GRID1: variants seen among roughly 807,000 people sequenced by gnomAD.
The protein encoded by GRID1 is glutamate ionotropic receptor delta type subunit 1, also known as glutamate receptor ionotropic, delta-1.
A neutral mutation model predicts 98.0 loss-of-function variants in GRID1; 28 were observed. The observed-to-expected ratio is 0.29, with a 90% confidence interval of 0.21 to 0.39. The LOEUF is 0.39. Ranked by LOEUF, GRID1 falls within the 10% of genes least tolerant of loss-of-function variation. The probability of loss-of-function intolerance (pLI) is 1.00; values close to 1 mark genes in which losing one functional copy is unlikely to be tolerated. For synonymous variants in GRID1, 553 were observed against 538.5 expected (o/e 1.03, Z -0.37); for missense variants, 1,111 against 1,340.5 (o/e 0.83, Z 2.67).
At chr10:85,694,545 GGT>G (rs545762406) in intron 12 of GRID1, among the ~76,000 whole-genome samples, 2 of 88,868 alleles carry the variant, frequency 2.3e-5, no homozygotes, top group Admixed American at 1.4e-4. Flanking sequence ...AAGAAAATGT[GGT>G]GTGTATATAT....
intron 6 of GRID1, among the ~76,000 whole-genome samples, chr10:85,862,451 T>C (rs1039614768): frequency 4.6e-5 from 7 of 152,102 alleles, no homozygotes; most frequent in Non-Finnish European, 8.8e-5. Context: ...AAATGTAGAA[T>C]TGGCCATCTC....
At position 86,208,596 on chromosome 10, in the gene GRID1, A is replaced by G. The variant is rs371254185; in HGVS notation, c.236-1948T>C. Reference sequence around the variant, plus strand: ...CACTCTTGCTTCAAAACTCAGACTCAGCATCCCCAGACTGGCTCATAACCC... The same window carrying G: ...CACTCTTGCTTCAAAACTCAGACTCGGCATCCCCAGACTGGCTCATAACCC... On this transcript the variant is annotated intron_variant, in intron 2 of 15. Transcript: ENST00000327946. Among the ~76,000 whole-genome samples the G allele has an allele frequency of 2.0e-4, 30 of 152,240 alleles. No homozygotes were observed. In the East Asian group the frequency reaches 5.6e-3, roughly 28 times the overall value.
intron 4 of GRID1, among the ~76,000 whole-genome samples, chr10:85,960,990 C>G (rs979778032): frequency 6.6e-6 from 1 of 151,704 alleles, no homozygotes; most frequent in African/African-American, 2.4e-5. Context: ...TAGAGTCGCA[C>G]GGAGGCTGGC....
At chr10:85,911,248 G>A (rs901211620) in intron 5 of GRID1, among the ~76,000 whole-genome samples, 1 of 152,162 alleles carries the variant, frequency 6.6e-6, no homozygotes, top group Non-Finnish European at 1.5e-5. Context: ...TGGTCTCTGA[G>A]ATCAGGAGCA....
chr10:85,804,376 T>C (rs529409637), intron 8 of GRID1, among the ~76,000 whole-genome samples: 1 of 151,972 alleles, frequency 6.6e-6, no homozygotes, highest in East Asian at 1.9e-4. Flanking sequence ...AGATATTGAA[T>C]TCATAATTCA....
chr10:85,858,008 G>C (rs1843129661), intron 6 of GRID1, among the ~76,000 whole-genome samples: 2 of 152,202 alleles, frequency 1.3e-5, no homozygotes, highest in African/African-American at 4.8e-5. Context: ...GAGGTGCAAG[G>C]CATCACAAAC....
intron 8 of GRID1, among the ~76,000 whole-genome samples, chr10:85,798,444 C>T (rs1373080249): frequency 6.6e-6 from 1 of 152,120 alleles, no homozygotes; most frequent in East Asian, 1.9e-4. Flanking sequence ...GAGGAAACAC[C>T]AAACTGTTTT....
intron 2 of GRID1, among the ~76,000 whole-genome samples, chr10:86,227,455 G>A (rs1382987649): frequency 6.6e-6 from 1 of 152,104 alleles, no homozygotes; most frequent in Non-Finnish European, 1.5e-5. Context: ...TGCCTCTTGG[G>A]CTAACTGCTC....
intron 12 of GRID1, among the ~76,000 whole-genome samples, chr10:85,692,013 C>A (rs370636621): frequency 6.6e-6 from 1 of 152,096 alleles, no homozygotes; most frequent in Admixed American, 6.5e-5. Flanking sequence ...GCCAATGGGG[C>A]AGCTTGTTCT....
chr10:85,931,810 C>T (rs1350195844), intron 4 of GRID1, among the ~76,000 whole-genome samples: 1 of 152,146 alleles, frequency 6.6e-6, no homozygotes, highest in African/African-American at 2.4e-5. Flanking sequence ...CATTAAGAAG[C>T]TCATTGAAGG....
intron 15 of GRID1, among the ~76,000 whole-genome samples, chr10:85,604,109 G>A (rs539667597): frequency 1.3e-5 from 2 of 152,174 alleles, no homozygotes; most frequent in South Asian, 4.2e-4. Flanking sequence ...CCCCACAAAG[G>A]GTCAACTCAG....
chr10:85,705,212 T>C (rs1841501628), intron 12 of GRID1, among the ~76,000 whole-genome samples: 3 of 152,098 alleles, frequency 2.0e-5, no homozygotes. Context: ...ACAAAATTGA[T>C]AGACTCCTAG....
rs150403696 is a variant in GRID1, at chr10:86,259,658, C to CTG, written c.236-53012_236-53011dup. ...CAGTTGCATTCCTAATAACACATGT[C>CTG]TGTGTGTGTGTGTGTGTGTGCACGC... On this transcript the variant is annotated intron_variant, in intron 2 of 15. Coordinates refer to ENST00000327946, the MANE Select transcript of GRID1 (RefSeq NM_017551.3). Among the ~76,000 whole-genome samples the CTG allele has an allele frequency of 5.6e-3, 848 of 150,262 alleles. 4 individuals are homozygous for CTG. Among genetic ancestry groups the CTG allele is most frequent in the African/African-American group, 0.011 (462 of 41,118 alleles).
At chr10:85,824,693 C>T (rs1466732078) in intron 8 of GRID1, among the ~76,000 whole-genome samples, 1 of 152,140 alleles carries the variant, frequency 6.6e-6, no homozygotes, top group Non-Finnish European at 1.5e-5. Flanking sequence ...TCACCACCCC[C>T]CCACCACCAA....
At chr10:86,018,310 C>T (rs1380856092) in intron 4 of GRID1, among the ~76,000 whole-genome samples, 2 of 152,216 alleles carry the variant, frequency 1.3e-5, no homozygotes, top group Non-Finnish European at 2.9e-5. Context: ...CAAAATTGCC[C>T]AGCTTGGTCA....
chr10:86,180,981 C>G (rs769823773), intron 3 of GRID1, among the ~76,000 whole-genome samples: 3 of 152,170 alleles, frequency 2.0e-5, no homozygotes, highest in African/African-American at 4.8e-5. Flanking sequence ...AAGTGAGGGT[C>G]CTCGCTTGGA....
At chr10:86,058,333 T>C (rs895692070) in intron 4 of GRID1, among the ~76,000 whole-genome samples, 6 of 152,204 alleles carry the variant, frequency 3.9e-5, no homozygotes, top group Non-Finnish European at 8.8e-5. Flanking sequence ...GTTCCAGGCA[T>C]GCTGACATGA....
chr10:86,032,350 G>A (rs1302708258), intron 4 of GRID1, among the ~76,000 whole-genome samples: 3 of 152,212 alleles, frequency 2.0e-5, no homozygotes, highest in Admixed American at 1.3e-4. Flanking sequence ...TTGAGAACGG[G>A]CCATGATGAC....
intron 2 of GRID1, among the ~76,000 whole-genome samples, chr10:86,362,036 G>T (rs1036019684): frequency 5.3e-5 from 8 of 152,190 alleles, no homozygotes; most frequent in Non-Finnish European, 8.8e-5. Flanking sequence ...ACTCAACACT[G>T]CAGAGGGGAG....
Sources: gnomAD v4.1 joint callset for allele counts (sites outside exome capture counted in the v4.1 genomes callset) on GRCh38, gnomAD v4.1.1 for gene constraint, MANE v1.5 for transcripts, NCBI Gene and HGNC (gene_info 2026-07-23, HGNC 2026-07-21) for gene names.